The following PCCB variants were observed in gnomAD, a reference collection of about 807,000 sequenced individuals.
PCCB encodes propionyl-CoA carboxylase subunit beta.
PCCB carries 43 observed loss-of-function variants against 60.7 expected under a neutral mutation model. The ratio of observed to expected loss-of-function variants is 0.71; its 90% CI spans 0.55 to 0.91. PCCB has a LOEUF of 0.91. Among genes scored for constraint, PCCB ranks in the 40% least tolerant of loss-of-function variants. The pLI, the probability that PCCB is intolerant of heterozygous loss-of-function variation, is 0.00. For synonymous variants in PCCB, 276 were observed against 255.9 expected, an observed-to-expected ratio of 1.08 and a Z score of -0.75; for missense variants, 766 against 702.8, an observed-to-expected ratio of 1.09 and a Z score of -1.02.
intron 7 of PCCB, among the ~76,000 whole-genome samples, chr3:136,294,096 ATTC>A (rs1933827588): frequency 1.3e-5 from 2 of 152,308 alleles, no homozygotes; most frequent in South Asian, 2.1e-4. Flanking sequence ...ATGCTTGGTT[ATTC>A]TTTAAAACAA....
chr3:136,307,977 A>AAAT (rs142093462), intron 9 of PCCB, among the ~76,000 whole-genome samples: 23,845 of 150,202 alleles, frequency 0.16, 3,018 homozygotes, highest in African/African-American at 0.35. Context: ...CTCCATCTCA[A>AAAT]AATAATAATA....
intron 10 of PCCB, among the ~76,000 whole-genome samples, chr3:136,323,482 A>G (rs574433341): frequency 4.6e-5 from 7 of 151,984 alleles, no homozygotes; most frequent in African/African-American, 1.2e-4. Flanking sequence ...ACCTCTTTGA[A>G]TATATTTAAG....
At chr3:136,278,019 C>A (rs757006650) in intron 5 of PCCB, among the ~76,000 whole-genome samples, 5 of 152,140 alleles carry the variant, frequency 3.3e-5, no homozygotes, top group Non-Finnish European at 5.9e-5. Context: ...TGGGGAGATT[C>A]TTTCAACCTG....
At position 136,330,043 on chromosome 3, in the gene PCCB, G is replaced by T. The variant is rs757948489; in HGVS notation, c.*17G>T. On this transcript the variant is annotated 3_prime_UTR_variant, in exon 15 of 15. Coordinates refer to ENST00000251654, the MANE Select transcript of PCCB (RefSeq NM_000532.5). ...CCATTGTAAACAAATCAAAGGAAAAGAAACCAAGAACTGAATTACTGTCTG... is the reference window on the plus strand; with the variant it reads ...CCATTGTAAACAAATCAAAGGAAAATAAACCAAGAACTGAATTACTGTCTG... 1.2e-5 allele frequency: 19 copies of T among 1,613,818 alleles called. No individual in the cohort carries two copies. In the East Asian group the frequency reaches 4.2e-4, roughly 36 times the overall value.
chr3:136,299,736 G>T (rs1350327444), intron 8 of PCCB, among the ~76,000 whole-genome samples: 1 of 146,704 alleles, frequency 6.8e-6, no homozygotes, highest in Non-Finnish European at 1.5e-5. Flanking sequence ...ATATGCATGT[G>T]TATGTATAGG....
At chr3:136,283,794 A>G (rs775781318) in intron 5 of PCCB, 43 bp from the exon 6 acceptor site, 2 of 1,341,282 alleles carry the variant, frequency 1.5e-6, no homozygotes, top group South Asian at 2.3e-5. Context: ...TAATGCCTCA[A>G]ACATCTCTGT....
intron 6 of PCCB, among the ~76,000 whole-genome samples, chr3:136,285,026 A>C (rs952470807): frequency 6.6e-6 from 1 of 150,624 alleles, no homozygotes; most frequent in African/African-American, 2.4e-5. Context: ...AGGTCAAGGC[A>C]GCAGTGAGCC....
rs1308923179 is a variant in PCCB, at chr3:136,328,789, A to G, written c.1430A>G (p.Glu477Gly). 3 of 1,614,166 alleles carry G rather than the reference A, an allele frequency of 1.9e-6. No individual in the cohort carries two copies. The highest frequency in any genetic ancestry group is 1.1e-5 in the South Asian group (1 of 91,088). Residue 477 changes from glutamate to glycine, a missense_variant, in exon 14 of 15, where the codon GAG becomes GGG. Physicochemically the swap from Glu to Gly is moderately conservative, Grantham distance 98. Transcript: ENST00000251654. ...GAVEIIFKGH[E>G]NVEAAQAEYI... Reference sequence around the variant, plus strand: ...GTGGAGATCATCTTCAAAGGGCATGAGAATGTGGAAGCTGCTCAGGCAGAG... The same window carrying G: ...GTGGAGATCATCTTCAAAGGGCATGGGAATGTGGAAGCTGCTCAGGCAGAG...
At chr3:136,257,577 T>G (rs746004882) in intron 3 of PCCB, among the ~76,000 whole-genome samples, 3 of 152,184 alleles carry the variant, frequency 2.0e-5, no homozygotes, top group Non-Finnish European at 4.4e-5. Flanking sequence ...TTGACTTTTT[T>G]CTCTCCAGAG....
chr3:136,326,838 C>T lies in PCCB; in HGVS notation c.1126C>T (p.Arg376Cys), dbSNP rs200306164. The T allele has an allele frequency of 8.1e-6, 13 of 1,612,222 alleles. No individual in the cohort carries two copies. Among genetic ancestry groups the T allele is most frequent in the African/African-American group, 1.3e-5 (1 of 74,858 alleles). The change falls in exon 11 of 15, where the codon CGT (arginine) becomes TGT (cysteine). Residue 376 changes from arginine to cysteine, a missense_variant. Coordinates refer to ENST00000251654, the MANE Select transcript of PCCB (RefSeq NM_000532.5). ...TATTAATTCATCTGTGAAAGGGGCT[C>T]GTTTTGTCAGATTCTGTGATGCATT... ...LDINSSVKGA[R>C]FVRFCDAFNI... is the part of the protein sequence containing the mutation.
rs796052022 is a variant in PCCB at position 136,297,949 on chromosome 3, TA to T, written c.764-2del. On this transcript the variant is annotated splice_acceptor_variant, in intron 7 of 14. Coordinates refer to ENST00000251654, the MANE Select transcript of PCCB (RefSeq NM_000532.5). LOFTEE classifies it high-confidence loss of function. The stretch of plus-strand genomic sequence containing the variant: ...CAATCATATATGCTCCCTGTTCTCT[TA>T]GGTGTGGCCCACAGAGCTTTTGAAA... The T allele has an allele frequency of 6.2e-7, 1 of 1,613,992 alleles. No homozygotes were observed. The highest frequency in any genetic ancestry group is 8.5e-7 in the Non-Finnish European group (1 of 1,179,976).
At chr3:136,325,465 C>T (rs534486500) in intron 10 of PCCB, among the ~76,000 whole-genome samples, 202 of 152,102 alleles carry the variant, frequency 1.3e-3, no homozygotes, top group Non-Finnish European at 2.5e-3. Flanking sequence ...AAGTGATTCT[C>T]CTTCCTCAAG....
intron 3 of PCCB, among the ~76,000 whole-genome samples, chr3:136,258,012 C>T (rs1941721800): frequency 1.3e-5 from 2 of 152,112 alleles, no homozygotes; most frequent in Non-Finnish European, 2.9e-5. Flanking sequence ...AATTAAATTA[C>T]CTTTGAAATG....
At position 136,250,566 on chromosome 3, in the gene PCCB, C is replaced by G; in HGVS notation, c.183+8C>G. On this transcript the variant is annotated splice_region_variant and intron_variant, in intron 1 of 14. Coordinates refer to ENST00000251654, the MANE Select transcript of PCCB (RefSeq NM_000532.5). ...GACGCGCAGCACAAGCGAGTGAGTC[C>G]TGAGGGGCCTAAGTGAGTCCCGCCC... 6.2e-7 allele frequency: 1 copy of G among 1,609,052 alleles called. No homozygotes were observed. Among genetic ancestry groups the G allele is most frequent in the Admixed American group, 1.7e-5 (1 of 59,682 alleles).
chr3:136,273,694 C>T lies in PCCB; in HGVS notation c.544-10143C>T, dbSNP rs147326122. ...TTGCGAGGCCAAGACGGGCGGATCG[C>T]GAGGTCAGGAGATCGAGACCATCCT... On this transcript the variant is annotated intron_variant, in intron 5 of 14. Coordinates refer to ENST00000251654, the MANE Select transcript of PCCB (RefSeq NM_000532.5). 9.5e-3 allele frequency among the ~76,000 whole-genome samples: 1,325 copies of T among 139,906 alleles called. 11 individuals carry two copies. The highest frequency in any genetic ancestry group is 0.016 in the Non-Finnish European group (1,086 of 66,050). The allele number at this position is 139,906 out of a possible 152,430, so 91.8% of individuals were successfully genotyped here.
chr3:136,281,448 C>T (rs188008759), intron 5 of PCCB, among the ~76,000 whole-genome samples: 67 of 151,830 alleles, frequency 4.4e-4, no homozygotes, highest in Non-Finnish European at 7.8e-4. Context: ...AGGCTTTCTG[C>T]TTGGTTCCTT....
intron 12 of PCCB, 120 bp from the exon 13 acceptor site, chr3:136,327,514 C>G: frequency 2.4e-6 from 2 of 819,884 alleles, no homozygotes; most frequent in African/African-American, 1.7e-5. Flanking sequence ...CGTGGGCCTT[C>G]AGGAGCCCAG....
chr3:136,321,596 A>G (rs1935112691), intron 10 of PCCB, among the ~76,000 whole-genome samples: 2 of 152,286 alleles, frequency 1.3e-5, no homozygotes, highest in South Asian at 2.1e-4. Context: ...CTATCACGAG[A>G]ACAGCGTGAG....
chr3:136,263,615 CATTGCTTAATTA>C (rs1941890695), intron 5 of PCCB, among the ~76,000 whole-genome samples: 1 of 152,120 alleles, frequency 6.6e-6, no homozygotes, highest in South Asian at 2.1e-4. Flanking sequence ...TTCAGATCTT[CATTGCTTAATTA>C]ATTGCTTACT....
Sources: allele counts gnomAD v4.1 joint callset (sites outside exome capture counted in the v4.1 genomes callset), GRCh38; gene constraint gnomAD v4.1.1; transcripts MANE v1.5; gene names NCBI Gene and HGNC (gene_info 2026-07-23, HGNC 2026-07-21).